LINGO2: variants seen among roughly 807,000 people sequenced by gnomAD.
The protein encoded by LINGO2 is leucine rich repeat and Ig domain containing 2, also known as leucine-rich repeat and immunoglobulin-like domain-containing nogo receptor-interacting protein 2.
In LINGO2, 14 loss-of-function variants were observed where a neutral mutation model predicts 30.6. That is an observed-to-expected ratio of 0.46 (90% CI 0.30 to 0.72). The LOEUF (loss-of-function observed/expected upper bound fraction) is 0.72, where lower values mean the gene tolerates loss of function less well. Ranked by LOEUF, LINGO2 falls within the 30% of genes least tolerant of loss-of-function variation. LINGO2 has a pLI of 0.07. For missense variants in LINGO2, 729 were observed against 751.7 expected (o/e 0.97, Z 0.35); for synonymous variants, 317 against 288.5 (o/e 1.10, Z -1.00).
At chr9:28,154,788 C>T (rs1828089168) in intron 4 of LINGO2, among the ~76,000 whole-genome samples, 2 of 152,148 alleles carry the variant, frequency 1.3e-5, no homozygotes, top group African/African-American at 4.8e-5. Flanking sequence ...GATTACAAGG[C>T]AGAATACAAT....
intron 4 of LINGO2, among the ~76,000 whole-genome samples, chr9:28,025,179 C>G (rs944648): frequency 0.62 from 94,192 of 152,000 alleles, 30,153 homozygotes; most frequent in Admixed American, 0.75. Context: ...CTTAAACACT[C>G]AAGGTTGTGA....
At chr9:28,499,807 A>G (rs1819811386) in intron 1 of LINGO2, among the ~76,000 whole-genome samples, 2 of 152,238 alleles carry the variant, frequency 1.3e-5, no homozygotes, top group African/African-American at 4.8e-5. Context: ...TCTCTCTCCT[A>G]CAATCCCATT....
the LINGO2 span, among the ~76,000 whole-genome samples, chr9:28,931,929 G>A: frequency 6.6e-6 from 1 of 151,436 alleles, no homozygotes; most frequent in African/African-American, 2.4e-5. Flanking sequence ...CCAATATGCT[G>A]AAACCCCATC....
At chr9:29,181,387 A>G in the LINGO2 span, among the ~76,000 whole-genome samples, 1 of 152,188 alleles carries the variant, frequency 6.6e-6, no homozygotes, top group South Asian at 2.1e-4. Context: ...TCCATCACTT[A>G]CGTATCATCA....
At position 28,004,101 on chromosome 9, in the gene LINGO2, G is replaced by A. The variant is rs117354311; in HGVS notation, c.-36+8254C>T. Among the ~76,000 whole-genome samples the A allele has an allele frequency of 7.5e-3, 1,146 of 152,156 alleles. 8 individuals carry two copies. Among genetic ancestry groups the A allele is most frequent in the Non-Finnish European group, 0.011 (766 of 68,012 alleles). On this transcript the variant is annotated intron_variant, in intron 5 of 5. Coordinates refer to ENST00000379992, the Ensembl canonical transcript of LINGO2. ...TCAGTATGAGAATTATAATTTGTAC[G>A]ATATCTGTCTTGGAACATCTTGAAT...
intron 2 of LINGO2, among the ~76,000 whole-genome samples, chr9:28,408,784 A>C (rs1167975638): frequency 7.7e-5 from 6 of 78,420 alleles, no homozygotes; most frequent in Admixed American, 1.6e-4. Context: ...CAAAAAAAAA[A>C]AAACAAAAAA....
the LINGO2 span, among the ~76,000 whole-genome samples, chr9:28,842,892 A>G: frequency 6.6e-6 from 1 of 152,062 alleles, no homozygotes; most frequent in Non-Finnish European, 1.5e-5. Context: ...ATAATTATGA[A>G]GAAGAGTCTG....
At chr9:28,367,606 A>G (rs920886078) in intron 3 of LINGO2, among the ~76,000 whole-genome samples, 1 of 151,800 alleles carries the variant, frequency 6.6e-6, no homozygotes, top group Non-Finnish European at 1.5e-5. Context: ...CTGAGAAGTC[A>G]TGGTCTATTC....
chr9:28,006,481 T>C (rs944359392), intron 5 of LINGO2, among the ~76,000 whole-genome samples: 2 of 152,102 alleles, frequency 1.3e-5, no homozygotes, highest in Non-Finnish European at 2.9e-5. Flanking sequence ...TATAACTGTA[T>C]AAAATGCCTT....
chr9:28,993,788 G>T, the LINGO2 span, among the ~76,000 whole-genome samples: 1 of 151,794 alleles, frequency 6.6e-6, no homozygotes, highest in Non-Finnish European at 1.5e-5. Flanking sequence ...CTCAATAGAT[G>T]CAAAAAAGGC....
chr9:28,097,295 G>C (rs1358682292), intron 4 of LINGO2, among the ~76,000 whole-genome samples: 1 of 151,902 alleles, frequency 6.6e-6, no homozygotes, highest in Admixed American at 6.6e-5. Flanking sequence ...CAGGGATCTA[G>C]AACTAGAAAT....
chr9:28,213,597 A>G (rs1163864508), intron 4 of LINGO2, among the ~76,000 whole-genome samples: 1 of 151,430 alleles, frequency 6.6e-6, no homozygotes, highest in African/African-American at 2.4e-5. Context: ...GGACATTTGT[A>G]TAATAAACAT....
At chr9:28,502,110 G>C (rs558669461) in intron 1 of LINGO2, among the ~76,000 whole-genome samples, 1 of 146,528 alleles carries the variant, frequency 6.8e-6, no homozygotes, top group African/African-American at 2.5e-5. Context: ...TTGGTTTCCA[G>C]GTCTCAAGAT....
chr9:29,085,912 A>G, the LINGO2 span, among the ~76,000 whole-genome samples: 5 of 152,144 alleles, frequency 3.3e-5, no homozygotes, highest in Admixed American at 2.6e-4. Flanking sequence ...CCTCTACACT[A>G]CTTATTCCTG....
At chr9:28,762,300 C>G in the LINGO2 span, among the ~76,000 whole-genome samples, 2 of 151,914 alleles carry the variant, frequency 1.3e-5, no homozygotes, top group Non-Finnish European at 2.9e-5. Flanking sequence ...AGCTAAACCA[C>G]ACACACAAAG....
At chr9:28,911,894 T>A in the LINGO2 span, among the ~76,000 whole-genome samples, 91 of 152,258 alleles carry the variant, frequency 6.0e-4, no homozygotes, top group African/African-American at 2.0e-3. Context: ...TCATATTACA[T>A]ACACCAGAGA....
the LINGO2 span, among the ~76,000 whole-genome samples, chr9:28,769,516 ATATTTTTTTTTTTT>A: frequency 1.0e-3 from 2 of 1,916 alleles, no homozygotes; most frequent in African/African-American, 2.9e-3. Context: ...ATATATATAT[ATATTTTTTTTTTTT>A]TTTTTTTTTT....
intron 4 of LINGO2, among the ~76,000 whole-genome samples, chr9:28,230,706 A>G (rs1821325907): frequency 6.6e-6 from 1 of 151,934 alleles, no homozygotes; most frequent in South Asian, 2.1e-4. Context: ...TAATTTGTAA[A>G]TAATTTACAT....
chr9:28,153,499 G>A (rs1010832229), intron 4 of LINGO2, among the ~76,000 whole-genome samples: 15 of 152,144 alleles, frequency 9.9e-5, no homozygotes, highest in African/African-American at 2.2e-4. Flanking sequence ...CACATGGAAT[G>A]AGCAAAAGTC....
Sources: gnomAD v4.1 joint callset for allele counts (sites outside exome capture counted in the v4.1 genomes callset) on GRCh38, gnomAD v4.1.1 for gene constraint, MANE v1.5 for transcripts, NCBI Gene and HGNC (gene_info 2026-07-23, HGNC 2026-07-21) for gene names.